HSP90AA1: variants seen among roughly 807,000 people sequenced by gnomAD.
HSP90AA1 encodes the protein heat shock protein 90 alpha family class A member 1, also known as heat shock protein HSP 90-alpha.
A neutral mutation model predicts 73.3 loss-of-function variants in HSP90AA1; 18 were observed. The observed-to-expected ratio is 0.25, with a 90% CI of 0.17 to 0.36. The LOEUF is 0.36. Ranked by LOEUF, HSP90AA1 falls within the 10% of genes least tolerant of loss-of-function variation. The pLI is 1.00. For missense variants in HSP90AA1, 704 were observed against 874.2 expected, an observed-to-expected ratio of 0.81 and a Z score of 2.45; for synonymous variants, 477 against 296.9, an observed-to-expected ratio of 1.61 and a Z score of -6.24.
Position 102,083,702 on chromosome 14 carries a change from A to G in HSP90AA1, c.1339-9T>C, listed in dbSNP as rs886639328. The G allele has an allele frequency of 3.7e-6, 6 of 1,609,564 alleles. No homozygotes were observed. The African/African-American group carries it at 6.7e-5, about 18-fold the overall frequency. On this transcript the variant is annotated splice_polypyrimidine_tract_variant and intron_variant, in intron 7 of 10. Transcript: ENST00000216281. ...TCTTCGTGTATTCCAAGCTGAAACA[A>G]AGTATGTTCTTTACAAAGACTTTCT...
chr14:102,084,676 C>T lies in HSP90AA1; in HGVS notation c.981+5G>A, dbSNP rs946683354. 15 of 1,613,718 alleles carry T rather than the reference C, an allele frequency of 9.3e-6. No individual in the cohort carries two copies. The highest frequency in any genetic ancestry group is 1.1e-5 in the Non-Finnish European group (13 of 1,179,784). ...ACAAGCTTGAAGCACCCATCAGTCA[C>T]TCACCTTCACTGCCAAGTGATCTTC... On this transcript the variant is annotated splice_donor_5th_base_variant and intron_variant, in intron 5 of 10. Transcript: ENST00000216281.
chr14:102,094,131 C>T (rs565210903), intron 2 of HSP90AA1, among the ~76,000 whole-genome samples: 1 of 152,308 alleles, frequency 6.6e-6, no homozygotes, highest in South Asian at 2.1e-4. Flanking sequence ...AAGCAAGTTT[C>T]AACCCATCCT....
chr14:102,083,750 A>AG (rs1491063635), intron 7 of HSP90AA1, 43 bp downstream of exon 7: 2 of 1,534,848 alleles, frequency 1.3e-6, no homozygotes, highest in Admixed American at 3.5e-5. Context: ...AAAAAAAAAA[A>AG]CTAAAGAGGC....
At chr14:102,104,335 G>A (rs1433255246) in intron 1 of HSP90AA1, among the ~76,000 whole-genome samples, 3 of 151,888 alleles carry the variant, frequency 2.0e-5, no homozygotes, top group African/African-American at 4.8e-5. Flanking sequence ...TCAGCCTCCC[G>A]AGTAGCTGGG....
At chr14:102,126,195 A>T (rs2049836876) in intron 1 of HSP90AA1, among the ~76,000 whole-genome samples, 1 of 152,146 alleles carries the variant, frequency 6.6e-6, no homozygotes. Flanking sequence ...GCGGCCTTCT[A>T]TTCCCTCTGA....
Position 102,084,915 on chromosome 14 carries a change from C to A in HSP90AA1, c.747G>T (p.Glu249Asp). The change falls in exon 5 of 11, where the codon GAG (glutamate) becomes GAT (aspartate). Residue 249 changes from glutamate (E) to aspartate (D), a missense_variant. Glu to Asp is a conservative substitution (Grantham distance 45). Coordinates refer to ENST00000216281, the MANE Select transcript of HSP90AA1 (RefSeq NM_005348.4). ...EDKEEEKEKE[E>D]KESEDKPEIE... Reference sequence around the variant, plus strand: ...TTTCAGGTTTGTCTTCCGACTCTTTCTCTTCTTTTTCTTTTTCTTCTTCTT... The same window carrying A: ...TTTCAGGTTTGTCTTCCGACTCTTTATCTTCTTTTTCTTTTTCTTCTTCTT... The A allele has an allele frequency of 6.3e-7, 1 of 1,581,246 alleles. No individual in the cohort carries two copies. The highest frequency in any genetic ancestry group is 8.7e-7 in the Non-Finnish European group (1 of 1,150,564).
chr14:102,086,166 A>C, intron 2 of HSP90AA1, 42 bp from the exon 3 acceptor site: 1 of 1,603,782 alleles, frequency 6.2e-7, no homozygotes, highest in South Asian at 1.1e-5. Flanking sequence ...AGCACCCCCA[A>C]GAAGTTCACA....
intron 10 of HSP90AA1, 84 bp downstream of exon 10, chr14:102,082,018 GGTGCTCCAA>G: frequency 1.1e-6 from 1 of 912,266 alleles, no homozygotes; most frequent in Non-Finnish European, 1.8e-6. Flanking sequence ...AGCAGGACAA[GGTGCTCCAA>G]GTTTGGATAA....
chr14:102,089,371 C>T (rs1466894883), upstream of HSP90AA1, among the ~76,000 whole-genome samples: 2 of 152,176 alleles, frequency 1.3e-5, no homozygotes, highest in East Asian at 3.8e-4. Context: ...TTCTTCCTTC[C>T]ACAACTTCTT....
At chr14:102,135,605 G>C (rs1389965058) in intron 1 of HSP90AA1, among the ~76,000 whole-genome samples, 1 of 152,250 alleles carries the variant, frequency 6.6e-6, no homozygotes, top group Non-Finnish European at 1.5e-5. Context: ...GGAACCAATG[G>C]AGTGGGTGGG....
At chr14:102,129,071 G>A (rs1002604854) in intron 1 of HSP90AA1, among the ~76,000 whole-genome samples, 1 of 151,406 alleles carries the variant, frequency 6.6e-6, no homozygotes, top group African/African-American at 2.4e-5. Flanking sequence ...GTTATGCCTG[G>A]ATAATTTAGC....
At chr14:102,087,150 C>CGCCGCG (rs1254694988), upstream of HSP90AA1, 3 of 983,810 alleles carry the variant, frequency 3.0e-6, no homozygotes, top group Non-Finnish European at 3.6e-6. Flanking sequence ...CCCCAGCCGC[C>CGCCGCG]GCCGCGGCCG....
chr14:102,085,281 A>G lies in HSP90AA1; in HGVS notation c.663+17T>C, dbSNP rs763552244. The G allele has an allele frequency of 2.9e-5, 47 of 1,608,500 alleles. No individual in the cohort carries two copies. The highest frequency in any genetic ancestry group is 3.9e-5 in the Non-Finnish European group (46 of 1,176,184). ...CCTACAGACAGAAATTCACTCTGCA[A>G]TTACATAAAAACTTACAAAAAGAGT... On this transcript the variant is annotated intron_variant, in intron 4 of 10. Coordinates refer to ENST00000216281, the MANE Select transcript of HSP90AA1 (RefSeq NM_005348.4).
At chr14:102,131,236 G>A (rs966667131) in intron 1 of HSP90AA1, among the ~76,000 whole-genome samples, 13 of 152,174 alleles carry the variant, frequency 8.5e-5, no homozygotes, top group Admixed American at 5.2e-4. Context: ...CATTTCCATC[G>A]TCCAGTTGCT....
intron 1 of HSP90AA1, among the ~76,000 whole-genome samples, chr14:102,122,847 T>C (rs966276586): frequency 6.6e-6 from 1 of 151,096 alleles, no homozygotes; most frequent in Non-Finnish European, 1.5e-5. Context: ...TTTGTATTTT[T>C]AGTAGAGACG....
intron 1 of HSP90AA1, among the ~76,000 whole-genome samples, chr14:102,118,527 C>T (rs1274510835): frequency 1.3e-5 from 2 of 152,034 alleles, no homozygotes; most frequent in Admixed American, 6.6e-5. Context: ...AGGTGTGAGC[C>T]ACCATGCCCG....
chr14:102,091,724 G>C (rs752740185), upstream of HSP90AA1, among the ~76,000 whole-genome samples: 1 of 151,754 alleles, frequency 6.6e-6, no homozygotes, highest in Admixed American at 6.6e-5. Context: ...CCTCCTGGGC[G>C]CAAGTGATCC....
In HSP90AA1 at chr14:102,083,800, T is replaced by C; in HGVS notation, c.1331A>G (p.Asn444Ser). The C allele has an allele frequency of 6.2e-7, 1 of 1,612,772 alleles. No individual in the cohort carries two copies. Among genetic ancestry groups the C allele is most frequent in the Non-Finnish European group, 8.5e-7 (1 of 1,179,326 alleles). ...YKKFYEQFSK[N>S]IKLGIHEDSQ... ...ATGGTTATTTACACCAACCTTTATG[T>C]TTTTAGAGAACTGCTCATAGAATTT... The change falls in exon 7 of 11, where the codon AAC (asparagine) becomes AGC (serine). Residue 444 changes from asparagine (N) to serine (S), a missense_variant. By Grantham distance (46) the Asn-to-Ser change is conservative (BLOSUM62 1). Coordinates refer to ENST00000216281, the MANE Select transcript of HSP90AA1 (RefSeq NM_005348.4).
At chr14:102,097,303 A>G (rs1353703820) in intron 2 of HSP90AA1, among the ~76,000 whole-genome samples, 1 of 146,550 alleles carries the variant, frequency 6.8e-6, no homozygotes, top group Non-Finnish European at 1.5e-5. Flanking sequence ...TTTTTTTTAA[A>G]GAAGAAAGAA....
Sources: allele counts gnomAD v4.1 joint callset (sites outside exome capture counted in the v4.1 genomes callset), GRCh38; gene constraint gnomAD v4.1.1; transcripts MANE v1.5; gene names NCBI Gene and HGNC (gene_info 2026-07-23, HGNC 2026-07-21).